TRHDE: variants seen among roughly 807,000 people sequenced by gnomAD.
TRHDE encodes the protein thyrotropin-releasing hormone-degrading ectoenzyme.
TRHDE carries 72 observed loss-of-function variants against 125.7 expected under a neutral mutation model. The ratio of observed to expected loss-of-function variants is 0.57; its 90% confidence interval spans 0.47 to 0.70. The LOEUF is 0.70. Among genes scored for constraint, TRHDE ranks in the 30% least tolerant of loss-of-function variants. TRHDE has a pLI of 0.00. For synonymous variants in TRHDE, 509 were observed against 509.1 expected, an observed-to-expected ratio of 1.00 and a Z score of 0.00; for missense variants, 1,110 against 1,327.1, an observed-to-expected ratio of 0.84 and a Z score of 2.54.
intron 2 of TRHDE, among the ~76,000 whole-genome samples, chr12:72,245,970 C>T (rs1200351310): frequency 6.6e-6 from 1 of 151,906 alleles, no homozygotes; most frequent in Non-Finnish European, 1.5e-5. Flanking sequence ...TACAAAGTAC[C>T]ATACTATATT....
Position 72,248,190 on chromosome 12 carries a change from C to A in TRHDE, n.280-129805C>A, listed in dbSNP as rs142271757. ...ATCCCAGCACTTTGGGAGGCCAAGA[C>A]GGGCAGATCACAAGGTCAAGAGATC... On this transcript the variant is annotated intron_variant and non_coding_transcript_variant, in intron 2 of 4. Coordinates refer to the TRHDE transcript ENST00000548156. 4.2e-3 allele frequency among the ~76,000 whole-genome samples: 634 copies of A among 152,162 alleles called. 4 individuals are homozygous for A. Among genetic ancestry groups the A allele is most frequent in the African/African-American group, 0.014 (588 of 41,520 alleles).
chr12:72,651,591 T>C (rs991129637), intron 15 of TRHDE, among the ~76,000 whole-genome samples: 5 of 151,868 alleles, frequency 3.3e-5, no homozygotes, highest in Admixed American at 6.6e-5. Flanking sequence ...AAATGTAGGG[T>C]ACATACCAAA....
rs550007742 is a variant in TRHDE, at chr12:72,329,446, G to T, written c.1188+42492G>T. ...GAGATTTACTCTGATGATAGTAAAT[G>T]CATTGAACCCATTTTTACCCCTCCA... is the stretch of plus-strand genomic sequence containing the variant. On this transcript the variant is annotated intron_variant, in intron 2 of 18. Transcript: ENST00000261180. 1.1e-4 allele frequency among the ~76,000 whole-genome samples: 16 copies of T among 152,298 alleles called. No individual in the cohort carries two copies. The South Asian group carries it at 3.3e-3, about 32-fold the overall frequency.
intron 15 of TRHDE, among the ~76,000 whole-genome samples, chr12:72,632,689 C>T (rs1306279517): frequency 6.6e-6 from 1 of 150,540 alleles, no homozygotes; most frequent in Admixed American, 6.6e-5. Context: ...TCTTAAATAC[C>T]CAGCATTTAG....
At chr12:72,319,585 A>G (rs1327013515) in intron 2 of TRHDE, among the ~76,000 whole-genome samples, 1 of 152,060 alleles carries the variant, frequency 6.6e-6, no homozygotes, top group African/African-American at 2.4e-5. Context: ...ATCTTTCTCT[A>G]TCATCTATCA....
chr12:72,122,813 C>T (rs998253132), intron 2 of TRHDE, among the ~76,000 whole-genome samples: 19 of 152,080 alleles, frequency 1.2e-4, no homozygotes, highest in African/African-American at 3.4e-4. Flanking sequence ...GTTTTATTCA[C>T]AAGGAGCTCC....
At position 72,543,830 on chromosome 12, in the gene TRHDE, T is replaced by TATG. The variant is rs1159165398; in HGVS notation, c.1788+1476_1788+1478dup. Among the ~76,000 whole-genome samples the TATG allele has an allele frequency of 8.9e-4, 131 of 147,248 alleles. 2 individuals carry two copies. The South Asian group carries it at 0.011, about 12-fold the overall frequency. On this transcript the variant is annotated intron_variant, in intron 7 of 18. Coordinates refer to ENST00000261180, the MANE Select transcript of TRHDE (RefSeq NM_013381.3). Reference sequence around the variant, plus strand: ...TTATTATTATTATTATTATTATTATTATGAACGTTTTTGTTCATCCTGTCA... The same window carrying TATG: ...TTATTATTATTATTATTATTATTATTATGATGAACGTTTTTGTTCATCCTGTCA...
chr12:72,619,972 A>G (rs1872976414), intron 13 of TRHDE, among the ~76,000 whole-genome samples: 1 of 141,190 alleles, frequency 7.1e-6, no homozygotes, highest in Admixed American at 6.7e-5. Flanking sequence ...AAACTGTTTA[A>G]TGATTTTTTT....
chr12:72,580,168 C>A (rs548080479), intron 12 of TRHDE, among the ~76,000 whole-genome samples: 8 of 152,042 alleles, frequency 5.3e-5, no homozygotes, highest in African/African-American at 1.9e-4. Flanking sequence ...AGTTTTCCAG[C>A]GATAATGTTA....
At chr12:72,178,558 C>T (rs959568344) in intron 2 of TRHDE, among the ~76,000 whole-genome samples, 10 of 151,948 alleles carry the variant, frequency 6.6e-5, no homozygotes, top group African/African-American at 2.4e-4. Flanking sequence ...ATTACTGTAG[C>T]CTGTGTGTTT....
intron 2 of TRHDE, among the ~76,000 whole-genome samples, chr12:72,161,819 A>G (rs1876644372): frequency 6.6e-6 from 1 of 152,208 alleles, no homozygotes; most frequent in Admixed American, 6.5e-5. Flanking sequence ...ATCCAGGAAA[A>G]CTTTTAAGGC....
intron 12 of TRHDE, among the ~76,000 whole-genome samples, chr12:72,586,414 A>G (rs1871441800): frequency 6.6e-6 from 1 of 152,160 alleles, no homozygotes; most frequent in Admixed American, 6.5e-5. Context: ...TTCCTTGTGG[A>G]ATGCTTCTAA....
chr12:72,467,233 C>T (rs1297987165), intron 3 of TRHDE, among the ~76,000 whole-genome samples: 2 of 151,286 alleles, frequency 1.3e-5, no homozygotes, highest in African/African-American at 2.4e-5. Context: ...TCCCTCCCCA[C>T]TCCCCCCACC....
At chr12:72,341,072 A>G (rs985009103) in intron 2 of TRHDE, among the ~76,000 whole-genome samples, 5 of 151,108 alleles carry the variant, frequency 3.3e-5, no homozygotes, top group Non-Finnish European at 7.4e-5. Context: ...AGGACCATCC[A>G]TGTGTTTCTA....
chr12:72,441,672 A>AT (rs1447266342), intron 3 of TRHDE, among the ~76,000 whole-genome samples: 5 of 151,884 alleles, frequency 3.3e-5, no homozygotes, highest in South Asian at 4.1e-4. Context: ...TTATAGGTGT[A>AT]TTCTCATTTC....
intron 2 of TRHDE, among the ~76,000 whole-genome samples, chr12:72,350,409 T>C (rs1206969803): frequency 6.6e-6 from 1 of 152,048 alleles, no homozygotes; most frequent in Admixed American, 6.6e-5. Flanking sequence ...TCTCAATATA[T>C]TAGTTACATA....
intron 18 of TRHDE, among the ~76,000 whole-genome samples, chr12:72,657,826 A>C (rs1874767007): frequency 6.6e-6 from 1 of 152,160 alleles, no homozygotes; most frequent in African/African-American, 2.4e-5. Context: ...AATGGATCGC[A>C]CTTCAAACAT....
At position 72,621,133 on chromosome 12, in the gene TRHDE, C is replaced by T. The variant is rs1873034974; in HGVS notation, c.2495C>T (p.Thr832Ile). Residue 832 changes from threonine to isoleucine, a missense_variant, in exon 14 of 19, where the codon ACA becomes ATA. This residue lies in a region of TRHDE where 527 missense variants were observed against 651.8 expected (regional missense o/e 0.81). Transcript: ENST00000261180. ...GAATATATTTTAAAGCAAGTTGCAACAACATATATCAAGCTTGGGTGGCCG... is the reference window on the plus strand; with the variant it reads ...GAATATATTTTAAAGCAAGTTGCAATAACATATATCAAGCTTGGGTGGCCG... ...FNEYILKQVATTYIKLGWPKN... is the reference protein window; with the variant it reads ...FNEYILKQVAITYIKLGWPKN... 1.2e-6 allele frequency: 2 copies of T among 1,610,694 alleles called. No individual in the cohort carries two copies. Among genetic ancestry groups the T allele is most frequent in the South Asian group, 2.2e-5 (2 of 90,990 alleles).
At chr12:72,609,572 G>T (rs1231576578) in intron 12 of TRHDE, among the ~76,000 whole-genome samples, 2 of 152,012 alleles carry the variant, frequency 1.3e-5, no homozygotes, top group Non-Finnish European at 2.9e-5. Flanking sequence ...AATAAGCATA[G>T]TACCCAATAG....
Sources: gnomAD v4.1 joint callset for allele counts (sites outside exome capture counted in the v4.1 genomes callset) on GRCh38, gnomAD v4.1.1 for gene constraint, gnomAD v4.1.1 regional missense constraint, MANE v1.5 for transcripts, NCBI Gene and HGNC (gene_info 2026-07-23, HGNC 2026-07-21) for gene names.